The following CYTH4 variants were observed in gnomAD, a reference collection of about 807,000 sequenced individuals.
CYTH4 encodes cytohesin 4, also known as cytohesin-4.
In CYTH4, 22 loss-of-function variants were observed where a neutral mutation model predicts 57.5. The observed-to-expected ratio is 0.38, with a 90% CI of 0.27 to 0.55. The LOEUF (loss-of-function observed/expected upper bound fraction) is 0.55. Among genes scored for constraint, CYTH4 ranks in the 20% least tolerant of loss-of-function variants. The pLI is 0.74. For synonymous variants in CYTH4, 186 were observed against 206.5 expected, an observed-to-expected ratio of 0.90 and a Z score of 0.85; for missense variants, 420 against 535.6, an observed-to-expected ratio of 0.78 and a Z score of 2.13.
chr22:37,297,900 A>G (rs1429478510), intron 5 of CYTH4: 1 of 440,536 alleles, frequency 2.3e-6, no homozygotes, highest in East Asian at 4.4e-5. Flanking sequence ...CTCAGGGTCT[A>G]CTGTGTTCCA....
chr22:37,307,720 C>T (rs925683567), intron 8 of CYTH4, among the ~76,000 whole-genome samples: 2 of 152,188 alleles, frequency 1.3e-5, no homozygotes, highest in African/African-American at 2.4e-5. Context: ...ACAAACACAG[C>T]GAAAGGAAAT....
At position 37,297,605 on chromosome 22, in the gene CYTH4, C is replaced by T. The variant is rs148042663; in HGVS notation, c.276C>T (p.Asp92=). ...YFIEHKLLTP[D]VQDIARFLYK... ...TTGAGCACAAGCTGCTGACCCCTGA[C>T]GTCCAGGACATTGCACGGTTCCTGT... The change falls in exon 5 of 13, where the codon GAC becomes GAT. Residue 92 remains aspartate, a synonymous_variant. Coordinates refer to ENST00000248901, the MANE Select transcript of CYTH4 (RefSeq NM_013385.5). 1.9e-4 allele frequency: 299 copies of T among 1,613,984 alleles called. No homozygotes were observed. Among genetic ancestry groups the T allele is most frequent in the African/African-American group, 8.4e-4 (63 of 75,038 alleles).
intron 6 of CYTH4, chr22:37,300,139 G>A (rs1005742091): frequency 2.8e-6 from 2 of 717,626 alleles, no homozygotes; most frequent in Non-Finnish European, 5.2e-6. Flanking sequence ...TCTTGATGCT[G>A]CTTGAAAACT....
At position 37,299,256 on chromosome 22, in the gene CYTH4, CT is replaced by C; in HGVS notation, c.386del (p.Phe129SerfsTer32). 1 of 1,614,184 alleles carries C rather than the reference CT, an allele frequency of 6.2e-7. No individual in the cohort carries two copies. Among genetic ancestry groups the C allele is most frequent in the Non-Finnish European group, 8.5e-7 (1 of 1,180,022 alleles). On this transcript the variant is annotated frameshift_variant, in exon 6 of 13. Coordinates refer to ENST00000248901, the MANE Select transcript of CYTH4 (RefSeq NM_013385.5). LOFTEE classifies it high-confidence loss of function. Reference protein sequence around the residue: ...DPINLQVLQAFVDCHEFANLN... With the variant: ...DPINLQVLQAXVDCHEFANLN... The stretch of plus-strand genomic sequence containing the variant: ...CCATCAACCTGCAGGTCCTCCAGGC[CT>C]TCGTGGACTGCCACGAGTTCGCCAA...
chr22:37,311,703 G>T lies in CYTH4; in HGVS notation c.957+176G>T. ...CCTGGGGCCATGGACAGTGAGAAAA[G>T]GTCAATGTGGGTCCAAGGACGTGGT... On this transcript the variant is annotated intron_variant, in intron 11 of 12. Coordinates refer to ENST00000248901, the MANE Select transcript of CYTH4 (RefSeq NM_013385.5). This position sits in a 1 kb window ranked among gnomAD's most constrained non-coding sequence, Gnocchi z 4.4. 2.9e-6 allele frequency: 2 copies of T among 687,994 alleles called. No homozygotes were observed. The allele number at this position is 687,994 out of a possible 1,614,324, so 42.6% of individuals were successfully genotyped here.
Position 37,314,235 on chromosome 22 carries a change from G to A in CYTH4, c.*724G>A, listed in dbSNP as rs990405346. The A allele has an allele frequency of 3.0e-5, 12 of 397,898 alleles. No individual in the cohort carries two copies. In the Admixed American group the frequency reaches 4.4e-4, roughly 15 times the overall value. The allele number at this position is 397,898 out of a possible 1,614,324, so 24.6% of individuals were successfully genotyped here. A position where few individuals can be genotyped will look rare whatever the true frequency, so the allele number is the denominator to read the frequency against. On this transcript the variant is annotated 3_prime_UTR_variant, in exon 13 of 13. Transcript: ENST00000248901. ...TGCTAGCCCTGTGCTCCAGCTTCCA[G>A]CTGGAGATGGCAGCCGTTGTTTGCG...
In CYTH4 at chr22:37,311,089, C is replaced by T. The variant is rs1256456664; in HGVS notation, c.885+25C>T. The T allele has an allele frequency of 6.2e-7, 1 of 1,611,520 alleles. No individual in the cohort carries two copies. Among genetic ancestry groups the T allele is most frequent in the Non-Finnish European group, 8.5e-7 (1 of 1,177,872 alleles). The stretch of plus-strand genomic sequence containing the variant: ...TGTGAGCAGGGTTCTCCTGGGCCTT[C>T]CCCTGCCCCCGCCTCTCCCCGCACA... On this transcript the variant is annotated intron_variant, in intron 10 of 12. Transcript: ENST00000248901. This position sits in a 1 kb window ranked among gnomAD's most constrained non-coding sequence, Gnocchi z 4.4.
At chr22:37,286,060 C>A (rs1928545893) in intron 1 of CYTH4, among the ~76,000 whole-genome samples, 1 of 152,008 alleles carries the variant, frequency 6.6e-6, no homozygotes, top group East Asian at 1.9e-4. Context: ...CCCCTGGGAA[C>A]CGTGCCTCAG....
At chr22:37,289,364 C>T (rs1569105150) in intron 1 of CYTH4, among the ~76,000 whole-genome samples, 1 of 152,208 alleles carries the variant, frequency 6.6e-6, no homozygotes, top group African/African-American at 2.4e-5. Flanking sequence ...CTGCCTGAAG[C>T]CCTGCCCCCT....
chr22:37,312,278 C>A lies in CYTH4; in HGVS notation c.1112+104C>A. On this transcript the variant is annotated intron_variant, in intron 12 of 12. Transcript: ENST00000248901. The stretch of plus-strand genomic sequence containing the variant: ...TCTGTAAAGGGGCTAACTCCAGTCT[C>A]TCCCTCCTGTTTCTGGCTGGCAAAC... 1.4e-6 allele frequency: 2 copies of A among 1,459,564 alleles called. 1 individual carries two copies. Among genetic ancestry groups the A allele is most frequent in the South Asian group, 2.6e-5 (2 of 76,316 alleles). 90.4% of individuals were successfully genotyped at this position (1,459,564 alleles called of 1,614,324 possible). A position where few individuals can be genotyped will look rare whatever the true frequency, so the allele number is the denominator to read the frequency against.
At chr22:37,306,662 G>T (rs1929408569) in intron 8 of CYTH4, among the ~76,000 whole-genome samples, 1 of 152,206 alleles carries the variant, frequency 6.6e-6, no homozygotes, top group Non-Finnish European at 1.5e-5. Context: ...CTTCAGAAAT[G>T]CTGGCTTCAG....
chr22:37,289,968 T>C (rs1223976189), intron 1 of CYTH4, among the ~76,000 whole-genome samples: 2 of 152,198 alleles, frequency 1.3e-5, no homozygotes, highest in Non-Finnish European at 1.5e-5. Context: ...CCTCAGGATA[T>C]AGTTTTTTAT....
In CYTH4 at chr22:37,314,299, A is replaced by T. The variant is rs1929772028; in HGVS notation, c.*788A>T. 1 of 398,738 alleles carries T rather than the reference A, an allele frequency of 2.5e-6. No individual in the cohort carries two copies. Among genetic ancestry groups the T allele is most frequent in the Non-Finnish European group, 4.4e-6 (1 of 226,090 alleles). 24.7% of individuals were successfully genotyped at this position (398,738 alleles called of 1,614,324 possible). A position where few individuals can be genotyped will look rare whatever the true frequency, so the allele number is the denominator to read the frequency against. On this transcript the variant is annotated 3_prime_UTR_variant, in exon 13 of 13. Transcript: ENST00000248901. Reference sequence around the variant, plus strand: ...CTCCGGATTCAACGTTGCTGGGGAGAGAAAAGCAGTATAGACTCCACCTTC... The same window carrying T: ...CTCCGGATTCAACGTTGCTGGGGAGTGAAAAGCAGTATAGACTCCACCTTC...
chr22:37,290,363 G>T (rs970873159), intron 1 of CYTH4, among the ~76,000 whole-genome samples: 1 of 152,178 alleles, frequency 6.6e-6, no homozygotes, highest in Non-Finnish European at 1.5e-5. Flanking sequence ...TGGAACCAGG[G>T]AGTCATTGCC....
At chr22:37,302,522 G>A (rs1200576735) in intron 7 of CYTH4, among the ~76,000 whole-genome samples, 3 of 152,214 alleles carry the variant, frequency 2.0e-5, no homozygotes, top group African/African-American at 7.2e-5. Context: ...ACTGCTATCA[G>A]AGATGGAAAC....
At chr22:37,294,827 G>A in intron 3 of CYTH4, 103 bp downstream of exon 3, 1 of 1,380,792 alleles carries the variant, frequency 7.2e-7, no homozygotes, top group South Asian at 1.2e-5. Context: ...CCTGGACCTG[G>A]TGAAATCAGG....
At chr22:37,282,864 T>C (rs1242787497) in intron 1 of CYTH4, among the ~76,000 whole-genome samples, 4 of 152,116 alleles carry the variant, frequency 2.6e-5, no homozygotes, top group Non-Finnish European at 4.4e-5. Context: ...CATATGTCAG[T>C]TGATGGCAGG....
rs149480804 is a variant in CYTH4, at chr22:37,307,791, A to T, written c.697-1421A>T. Among the ~76,000 whole-genome samples the T allele has an allele frequency of 4.5e-3, 686 of 152,302 alleles. 9 individuals are homozygous for T. The highest frequency in any genetic ancestry group is 6.8e-3 in the Middle Eastern group (2 of 294). ...GAATAAGCAGAAATGGACAGTTTAG[A>T]ATAGTTCTCCAAACACTTGGCAATC... On this transcript the variant is annotated intron_variant, in intron 8 of 12. Coordinates refer to ENST00000248901, the MANE Select transcript of CYTH4 (RefSeq NM_013385.5).
intron 8 of CYTH4, among the ~76,000 whole-genome samples, chr22:37,305,914 A>G (rs1383866393): frequency 6.6e-6 from 1 of 151,378 alleles, no homozygotes; most frequent in African/African-American, 2.5e-5. Context: ...GGTTGAGCCA[A>G]CCTTGCTCTG....
Sources: gnomAD v4.1 joint callset for allele counts (sites outside exome capture counted in the v4.1 genomes callset) on GRCh38, gnomAD v4.1.1 for gene constraint, Gnocchi (gnomAD v3.1) non-coding constraint, MANE v1.5 for transcripts, NCBI Gene and HGNC (gene_info 2026-07-23, HGNC 2026-07-21) for gene names.